FIGLA: variants seen among roughly 807,000 people sequenced by gnomAD.
FIGLA encodes the protein factor in the germline alpha.
In FIGLA, 17 loss-of-function variants were observed where a neutral mutation model predicts 21.5. The ratio of observed to expected loss-of-function variants is 0.79; its 90% CI spans 0.54 to 1.19. The LOEUF (loss-of-function observed/expected upper bound fraction) is 1.19, where lower values mean the gene tolerates loss of function less well. Among genes scored for constraint, FIGLA ranks in the 50% most tolerant of loss-of-function variants. The pLI is 0.00. For synonymous variants in FIGLA, 129 were observed against 117.6 expected, an observed-to-expected ratio of 1.10 and a Z score of -0.63; for missense variants, 282 against 285.0, an observed-to-expected ratio of 0.99 and a Z score of 0.08.
At chr2:70,777,983 AAAAT>A (rs1388765344) in intron 3 of FIGLA, among the ~76,000 whole-genome samples, 1 of 152,260 alleles carries the variant, frequency 6.6e-6, no homozygotes, top group Non-Finnish European at 1.5e-5. Flanking sequence ...ACTTGAAGAA[AAAAT>A]AAACCCATGA....
chr2:70,788,095 G>A (rs1675990074), intron 1 of FIGLA, among the ~76,000 whole-genome samples: 1 of 152,232 alleles, frequency 6.6e-6, no homozygotes, highest in Admixed American at 6.5e-5. Flanking sequence ...GGAGGCAGTA[G>A]AGGAGTGGCT....
chr2:70,777,362 A>G lies in FIGLA; in HGVS notation c.*5T>C, dbSNP rs56135050. The G allele has an allele frequency of 6.7e-7, 1 of 1,481,512 alleles. No homozygotes were observed. Among genetic ancestry groups the G allele is most frequent in the Non-Finnish European group, 9.0e-7 (1 of 1,106,014 alleles). 91.8% of individuals were successfully genotyped at this position (1,481,512 alleles called of 1,614,324 possible). Reference sequence around the variant, plus strand: ...CTAGAAGGTAACCCTGGGCCTTTTCATTTTTCATACTTGTGGAAGTCTGAA... The same window carrying G: ...CTAGAAGGTAACCCTGGGCCTTTTCGTTTTTCATACTTGTGGAAGTCTGAA... On this transcript the variant is annotated 3_prime_UTR_variant, in exon 5 of 5. Coordinates refer to ENST00000332372, the MANE Select transcript of FIGLA (RefSeq NM_001004311.3).
intron 3 of FIGLA, among the ~76,000 whole-genome samples, chr2:70,778,426 A>G (rs1359873135): frequency 3.3e-5 from 5 of 152,134 alleles, no homozygotes; most frequent in African/African-American, 9.6e-5. Flanking sequence ...TCTTTCCACT[A>G]TACAAGTGAT....
chr2:70,790,281 G>A (rs1352181598), intron 1 of FIGLA, 127 bp downstream of exon 1: 7 of 879,016 alleles, frequency 8.0e-6, no homozygotes, highest in Non-Finnish European at 1.1e-5. Context: ...GGGGGCGTGG[G>A]AGGCCTCGGG....
intron 3 of FIGLA, among the ~76,000 whole-genome samples, chr2:70,778,906 T>C (rs1468779107): frequency 1.3e-5 from 2 of 152,176 alleles, no homozygotes; most frequent in Admixed American, 6.6e-5. Flanking sequence ...CTCCACCCAC[T>C]GAGCCAGGCT....
intron 2 of FIGLA, among the ~76,000 whole-genome samples, chr2:70,786,430 AGTAGCT>A (rs1675957886): frequency 6.6e-6 from 1 of 151,910 alleles, no homozygotes; most frequent in South Asian, 2.1e-4. Flanking sequence ...CAGCCTCCTG[AGTAGCT>A]GGGACTACCG....
chr2:70,787,215 A>G lies in FIGLA; in HGVS notation c.384+434T>C, dbSNP rs74741989. On this transcript the variant is annotated intron_variant, in intron 2 of 4. Transcript: ENST00000332372. Reference sequence around the variant, plus strand: ...TTGGCCTTAGGGAGGGTCTCTCCTAAGAGAGGTTCCTTGGGGAAAAGAAAT... The same window carrying G: ...TTGGCCTTAGGGAGGGTCTCTCCTAGGAGAGGTTCCTTGGGGAAAAGAAAT... Among the ~76,000 whole-genome samples the G allele has an allele frequency of 3.9e-3, 591 of 152,320 alleles. 8 individuals carry two copies. The highest frequency in any genetic ancestry group is 0.013 in the African/African-American group (547 of 41,572).
chr2:70,784,165 T>C (rs1476663797), intron 3 of FIGLA, among the ~76,000 whole-genome samples: 1 of 151,972 alleles, frequency 6.6e-6, no homozygotes, highest in African/African-American at 2.4e-5. Context: ...ATTAATCTAA[T>C]CAGAAATGGA....
At chr2:70,789,323 C>T (rs1330696353) in intron 1 of FIGLA, among the ~76,000 whole-genome samples, 2 of 152,204 alleles carry the variant, frequency 1.3e-5, no homozygotes, top group African/African-American at 4.8e-5. Flanking sequence ...AAAGCTTATT[C>T]GTGTTTTAGT....
rs369704302 is a variant in FIGLA, at chr2:70,777,692, A to G, written c.610-21T>C. 25 of 1,241,358 alleles carry G rather than the reference A, an allele frequency of 2.0e-5. No homozygotes were observed. In the African/African-American group the frequency reaches 3.2e-4, roughly 16 times the overall value. 76.9% of individuals were successfully genotyped at this position (1,241,358 alleles called of 1,614,324 possible). A position where few individuals can be genotyped will look rare whatever the true frequency, so the allele number is the denominator to read the frequency against. Reference sequence around the variant, plus strand: ...CTATCCTGCAAAAACAATACAAAATACAGAAAGGGCTAAACACATCGGTTA... The same window carrying G: ...CTATCCTGCAAAAACAATACAAAATGCAGAAAGGGCTAAACACATCGGTTA... On this transcript the variant is annotated intron_variant, in intron 3 of 4. Coordinates refer to ENST00000332372, the MANE Select transcript of FIGLA (RefSeq NM_001004311.3).
chr2:70,789,559 C>T (rs1188917599), intron 1 of FIGLA, among the ~76,000 whole-genome samples: 1 of 152,176 alleles, frequency 6.6e-6, no homozygotes, highest in Non-Finnish European at 1.5e-5. Flanking sequence ...ACTTGATTCA[C>T]TGGGACATTT....
intron 3 of FIGLA, among the ~76,000 whole-genome samples, chr2:70,778,038 G>T (rs1216320428): frequency 1.3e-5 from 2 of 152,172 alleles, no homozygotes; most frequent in African/African-American, 4.8e-5. Context: ...AGGCATTTTG[G>T]ATACTGAAAC....
At chr2:70,785,056 A>T (rs782374157) in intron 3 of FIGLA, among the ~76,000 whole-genome samples, 1 of 151,898 alleles carries the variant, frequency 6.6e-6, no homozygotes, top group Non-Finnish European at 1.5e-5. Context: ...GTTAAATAGG[A>T]TCATTTAAAA....
chr2:70,782,917 A>C (rs147048315), intron 3 of FIGLA, among the ~76,000 whole-genome samples: 2,488 of 152,136 alleles, frequency 0.016, 33 homozygotes, highest in Non-Finnish European at 0.022. Context: ...AAATACAAAA[A>C]TTAGCTGGGT....
chr2:70,787,650 T>A lies in FIGLA; in HGVS notation c.383A>T (p.Lys128Met). The change falls in exon 2 of 5, where the codon AAG becomes ATG. Residue 128 changes from lysine (K) to methionine (M), a missense_variant and splice_region_variant. By Grantham distance (95) the Lys-to-Met change is moderately conservative. Coordinates refer to ENST00000332372, the MANE Select transcript of FIGLA (RefSeq NM_001004311.3). Reference protein sequence around the residue: ...SDLLEGAKDSKKQDPDEQSYS... With the variant: ...SDLLEGAKDSMKQDPDEQSYS... ...TATTCTAAAATCTTACACCTTTACC[T>A]TTGAGTCTTTGGCTCCTTCCAAAAG... 6.4e-7 allele frequency: 1 copy of A among 1,561,220 alleles called. No homozygotes were observed.
In FIGLA at chr2:70,790,603, G is replaced by A. The variant is rs1166437378; in HGVS notation, c.36C>T (p.Ala12=). Residue 12 remains alanine (A), a synonymous_variant, in exon 1 of 5, where the codon GCC becomes GCT. Transcript: ENST00000332372. ...GGGTGCCCAGGAGCGCGGGCGGCGC[G>A]GCGCGGGGATCTAGGACGCCGGGCG... ...DPAPGVLDPR[A]APPALLGTPQ... The A allele has an allele frequency of 4.1e-6, 6 of 1,468,946 alleles. No individual in the cohort carries two copies. Among genetic ancestry groups the A allele is most frequent in the African/African-American group, 1.5e-5 (1 of 68,332 alleles). 91.0% of individuals were successfully genotyped at this position (1,468,946 alleles called of 1,614,324 possible).
chr2:70,782,583 A>G lies in FIGLA; in HGVS notation c.609+2832T>C, dbSNP rs1411680892. ...GATTGTATGGCGGTAACGCCGCAAC[A>G]TTAATCCCCAGACTTAGTGGTTGCA... On this transcript the variant is annotated intron_variant, in intron 3 of 4. Coordinates refer to ENST00000332372, the MANE Select transcript of FIGLA (RefSeq NM_001004311.3). Among the ~76,000 whole-genome samples the G allele has an allele frequency of 5.9e-5, 9 of 152,356 alleles. No individual in the cohort carries two copies. The East Asian group carries it at 1.4e-3, about 23-fold the overall frequency.
Position 70,777,675 on chromosome 2 carries a change from C to A in FIGLA, c.610-4G>T. 2.1e-6 allele frequency: 3 copies of A among 1,396,956 alleles called. No individual in the cohort carries two copies. The South Asian group carries it at 3.6e-5, about 17-fold the overall frequency. The allele number at this position is 1,396,956 out of a possible 1,614,324, so 86.5% of individuals were successfully genotyped here. On this transcript the variant is annotated splice_polypyrimidine_tract_variant and splice_region_variant and intron_variant, in intron 3 of 4. Coordinates refer to ENST00000332372, the MANE Select transcript of FIGLA (RefSeq NM_001004311.3). ...GTTCTACTTCTGGGAATCTATCCTG[C>A]AAAAACAATACAAAATACAGAAAGG...
intron 3 of FIGLA, among the ~76,000 whole-genome samples, chr2:70,781,633 T>A (rs1376453591): frequency 6.6e-6 from 1 of 152,198 alleles, no homozygotes; most frequent in Non-Finnish European, 1.5e-5. Flanking sequence ...AACAGACCAT[T>A]TATACAATGT....
Sources: gnomAD v4.1 joint callset for allele counts (sites outside exome capture counted in the v4.1 genomes callset) on GRCh38, gnomAD v4.1.1 for gene constraint, MANE v1.5 for transcripts, NCBI Gene and HGNC (gene_info 2026-07-23, HGNC 2026-07-21) for gene names.